The following SLCO3A1 variants were observed in gnomAD, a reference collection of about 807,000 sequenced individuals.
The protein encoded by SLCO3A1 is PGE1 transporter.
Under a neutral mutation model 63.1 loss-of-function variants are expected in SLCO3A1, and 27 were observed. That is an observed-to-expected ratio of 0.43 (90% CI 0.32 to 0.59). The LOEUF is 0.59. SLCO3A1 is among the 20% of genes least tolerant of loss of function. The pLI is 0.09. For missense variants in SLCO3A1, 773 were observed against 945.8 expected (o/e 0.82, Z 2.40); for synonymous variants, 473 against 409.9 (o/e 1.15, Z -1.86).
At chr15:92,026,029 C>T (rs946421471) in intron 2 of SLCO3A1, among the ~76,000 whole-genome samples, 1 of 152,170 alleles carries the variant, frequency 6.6e-6, no homozygotes, top group Non-Finnish European at 1.5e-5. Flanking sequence ...CCCAGGTCAG[C>T]GCATCCCTGA....
chr15:91,910,813 A>T (rs980999115), intron 1 of SLCO3A1, among the ~76,000 whole-genome samples: 1 of 152,200 alleles, frequency 6.6e-6, no homozygotes, highest in African/African-American at 2.4e-5. Flanking sequence ...GAAAATACAG[A>T]TGCCCAGTCT....
At position 91,860,340 on chromosome 15, in the gene SLCO3A1, C is replaced by T. The variant is rs1400481360; in HGVS notation, c.180+6252C>T. On this transcript the variant is annotated intron_variant, in intron 1 of 9. Coordinates refer to ENST00000318445, the MANE Select transcript of SLCO3A1 (RefSeq NM_013272.4). This position sits in a 1 kb window ranked among gnomAD's most constrained non-coding sequence, Gnocchi z 5.5. ...CCAGCTCCTGGCAACTTCACTTACT[C>T]GAGCCTCAATAGCCTCATCTGAAAA... Among the ~76,000 whole-genome samples, 2 of 152,136 alleles carry T rather than the reference C, an allele frequency of 1.3e-5. No homozygotes were observed. The highest frequency in any genetic ancestry group is 3.8e-4 in the East Asian group (2 of 5,196).
rs967228539 is a variant in SLCO3A1 at position 91,860,764 on chromosome 15, G to T, written c.180+6676G>T. 2.6e-5 allele frequency among the ~76,000 whole-genome samples: 4 copies of T among 152,248 alleles called. No homozygotes were observed. The highest frequency in any genetic ancestry group is 9.6e-5 in the African/African-American group (4 of 41,468). Reference sequence around the variant, plus strand: ...AGCTCAGCCTTGGTTGCCCAGAGGGGCTCAGGTCTCACGTCTTGTCTGCTG... The same window carrying T: ...AGCTCAGCCTTGGTTGCCCAGAGGGTCTCAGGTCTCACGTCTTGTCTGCTG... On this transcript the variant is annotated intron_variant, in intron 1 of 9. Coordinates refer to ENST00000318445, the MANE Select transcript of SLCO3A1 (RefSeq NM_013272.4). The surrounding 1 kb of genome is among the most constrained non-coding windows in gnomAD (Gnocchi z 5.5).
chr15:92,147,177 C>T lies in SLCO3A1; in HGVS notation c.1688+18C>T, dbSNP rs1232449782. On this transcript the variant is annotated intron_variant, in intron 8 of 9. Transcript: ENST00000318445. ...CTCATCAGGTAAGCCCTCGGCACAGCCCCGCCTCTCCTCCTTTCCACCTGG... is the reference window on the plus strand; with the variant it reads ...CTCATCAGGTAAGCCCTCGGCACAGTCCCGCCTCTCCTCCTTTCCACCTGG... 2 of 1,597,530 alleles carry T rather than the reference C, an allele frequency of 1.3e-6. No homozygotes were observed. Among genetic ancestry groups the T allele is most frequent in the Admixed American group, 3.4e-5 (2 of 58,430 alleles).
intron 1 of SLCO3A1, among the ~76,000 whole-genome samples, chr15:91,904,465 G>C (rs955167570): frequency 1.3e-5 from 2 of 152,154 alleles, no homozygotes; most frequent in Non-Finnish European, 2.9e-5. Flanking sequence ...GTTCCTCCTA[G>C]TAGACTGCAA....
At chr15:92,166,037 GGTTTTGTTTTGTTTTTTGTTTTGTTTT>G (rs2048491150), downstream of SLCO3A1, 2 of 370,536 alleles carry the variant, frequency 5.4e-6, no homozygotes, top group Non-Finnish European at 7.4e-6. Flanking sequence ...AGAAGGTTTG[GGTTTTGTTTTGTTTTTTGTTTTGTTTT>G]GTTTTGTTTT....
At chr15:92,031,597 C>T (rs11074032) in intron 2 of SLCO3A1, among the ~76,000 whole-genome samples, 66,290 of 151,944 alleles carry the variant, frequency 0.44, 15,129 homozygotes, top group South Asian at 0.6. Flanking sequence ...TGTCTGAGGT[C>T]AGCACCTAGG....
At chr15:92,053,404 A>G (rs1482561797) in intron 2 of SLCO3A1, among the ~76,000 whole-genome samples, 1 of 152,224 alleles carries the variant, frequency 6.6e-6, no homozygotes. Context: ...TTAATATGGA[A>G]CATTTGTCAC....
intron 8 of SLCO3A1, 22 bp downstream of exon 8, chr15:92,147,181 G>A (rs771789745): frequency 1.3e-5 from 20 of 1,596,212 alleles, no homozygotes; most frequent in African/African-American, 8.1e-5. Context: ...GCACAGCCCC[G>A]CCTCTCCTCC....
chr15:92,117,842 A>G (rs532068285), intron 4 of SLCO3A1, among the ~76,000 whole-genome samples: 10 of 152,342 alleles, frequency 6.6e-5, no homozygotes, highest in Admixed American at 3.9e-4. Context: ...GTTTATGCCC[A>G]ATGAATTCAT....
intron 1 of SLCO3A1, among the ~76,000 whole-genome samples, chr15:91,889,841 G>A (rs951135124): frequency 2.6e-5 from 4 of 151,438 alleles, no homozygotes; most frequent in African/African-American, 4.9e-5. Flanking sequence ...AATACCATTC[G>A]CCCTGAGCGA....
intron 2 of SLCO3A1, among the ~76,000 whole-genome samples, chr15:91,998,623 CA>C (rs767059046): frequency 1.3e-5 from 2 of 151,986 alleles, no homozygotes; most frequent in African/African-American, 2.4e-5. Context: ...TGGCTGTTAC[CA>C]AAAGTCAAAA....
intron 2 of SLCO3A1, among the ~76,000 whole-genome samples, chr15:91,947,285 A>C (rs886626931): frequency 6.6e-6 from 1 of 152,174 alleles, no homozygotes; most frequent in Non-Finnish European, 1.5e-5. Flanking sequence ...TGACGATGAC[A>C]TAGGAAAAGC....
intron 5 of SLCO3A1, among the ~76,000 whole-genome samples, chr15:92,124,274 A>G (rs1555434498): frequency 6.6e-6 from 1 of 152,194 alleles, no homozygotes; most frequent in Non-Finnish European, 1.5e-5. Context: ...TGAGAATGGA[A>G]TTTCAGGGAA....
chr15:92,065,188 T>G (rs955925063), intron 2 of SLCO3A1, among the ~76,000 whole-genome samples: 1 of 152,148 alleles, frequency 6.6e-6, no homozygotes, highest in Non-Finnish European at 1.5e-5. Context: ...GTTCAAGCAG[T>G]TCTCCTGCCT....
At chr15:92,034,912 CA>C (rs2046705272) in intron 2 of SLCO3A1, among the ~76,000 whole-genome samples, 1 of 151,958 alleles carries the variant, frequency 6.6e-6, no homozygotes, top group Non-Finnish European at 1.5e-5. Flanking sequence ...TTTAATCTGT[CA>C]AGTGATCTAC....
chr15:92,039,161 T>C lies in SLCO3A1; in HGVS notation c.647-55720T>C, dbSNP rs980696648. ...AACCTAGGCAATACAATTAAGGACA[T>C]AGGCATGGGCAAAGACTTCATGACA... On this transcript the variant is annotated intron_variant, in intron 2 of 9. Transcript: ENST00000318445. 4.6e-5 allele frequency among the ~76,000 whole-genome samples: 7 copies of C among 152,268 alleles called. No individual in the cohort carries two copies. The Middle Eastern group carries it at 0.014, about 296-fold the overall frequency.
chr15:92,096,066 G>A (rs1049990186), intron 3 of SLCO3A1, among the ~76,000 whole-genome samples: 2 of 152,156 alleles, frequency 1.3e-5, no homozygotes, highest in Non-Finnish European at 2.9e-5. Flanking sequence ...TGGAATACAG[G>A]AGCAGCTTCA....
At chr15:91,955,914 A>C (rs961665908) in intron 2 of SLCO3A1, among the ~76,000 whole-genome samples, 2 of 152,136 alleles carry the variant, frequency 1.3e-5, no homozygotes, top group African/African-American at 4.8e-5. Flanking sequence ...CAGGTTCTAA[A>C]ACCATCCTGG....
Sources: allele counts gnomAD v4.1 joint callset (sites outside exome capture counted in the v4.1 genomes callset), GRCh38; gene constraint gnomAD v4.1.1; non-coding constraint Gnocchi (gnomAD v3.1); transcripts MANE v1.5; gene names NCBI Gene and HGNC (gene_info 2026-07-23, HGNC 2026-07-21).